Variants in PSMC3 observed in about 807,000 individuals in gnomAD.
PSMC3 encodes the protein 26S proteasome regulatory subunit 6A.
Under a neutral mutation model 52.0 loss-of-function variants are expected in PSMC3, and 11 were observed. That is an observed-to-expected ratio of 0.21 (90% confidence interval 0.13 to 0.35). PSMC3 has a LOEUF of 0.35. Ranked by LOEUF, PSMC3 falls within the 10% of genes least tolerant of loss-of-function variation. The pLI, the probability that PSMC3 is intolerant of heterozygous loss-of-function variation, is 1.00. For synonymous variants in PSMC3, 201 were observed against 218.8 expected (o/e 0.92, Z 0.72); for missense variants, 238 against 567.1 (o/e 0.42, Z 5.89).
chr11:47,425,786 T>G, intron 2 of PSMC3, 81 bp downstream of exon 2: 1 of 1,279,260 alleles, frequency 7.8e-7, no homozygotes, highest in Non-Finnish European at 1.1e-6. Flanking sequence ...GGTGCCCGAT[T>G]AGGAAGTACG....
intron 3 of PSMC3, 39 bp downstream of exon 3, chr11:47,425,082 C>G (rs777682650): frequency 1.2e-5 from 19 of 1,613,258 alleles, no homozygotes; most frequent in Non-Finnish European, 1.5e-5. Context: ...TCCCCATTCC[C>G]TGCTGACTCC....
chr11:47,424,978 C>T lies in PSMC3; in HGVS notation c.285+143G>A, dbSNP rs2096044724. On this transcript the variant is annotated intron_variant, in intron 3 of 11. Coordinates refer to ENST00000298852, the MANE Select transcript of PSMC3 (RefSeq NM_002804.5). The surrounding 1 kb of genome is among the most constrained non-coding windows in gnomAD (Gnocchi z 4.8). ...CCCAGGACTTTGCAGGCCCCGTCTT[C>T]CCCATGAAAGTGCCCCAGGAGGTGT... The T allele has an allele frequency of 7.9e-7, 1 of 1,269,132 alleles. No homozygotes were observed. The highest frequency in any genetic ancestry group is 1.1e-6 in the Non-Finnish European group (1 of 907,378). 78.6% of individuals were successfully genotyped at this position (1,269,132 alleles called of 1,614,324 possible).
chr11:47,425,340 C>T (rs2096045155), intron 2 of PSMC3, 94 bp from the exon 3 acceptor site: 1 of 1,453,994 alleles, frequency 6.9e-7, no homozygotes, highest in Non-Finnish European at 9.5e-7. Flanking sequence ...CCCAGGGGAC[C>T]CTCCCGCATC....
In PSMC3 at chr11:47,424,401, G is replaced by T. The variant is rs779479663; in HGVS notation, c.453+28C>A. 31 of 1,611,934 alleles carry T rather than the reference G, an allele frequency of 1.9e-5. No individual in the cohort carries two copies. The highest frequency in any genetic ancestry group is 2.6e-5 in the Non-Finnish European group (31 of 1,178,030). On this transcript the variant is annotated intron_variant, in intron 5 of 11. Transcript: ENST00000298852. The surrounding 1 kb of genome is among the most constrained non-coding windows in gnomAD (Gnocchi z 4.8). Reference sequence around the variant, plus strand: ...AGGGGCTCAGCTAGTCACCAGAAAAGCACTGCCTGGGCTCAGGCCCCACTC... The same window carrying T: ...AGGGGCTCAGCTAGTCACCAGAAAATCACTGCCTGGGCTCAGGCCCCACTC...
chr11:47,419,547 C>G (rs2096037448), intron 10 of PSMC3, among the ~76,000 whole-genome samples: 2 of 152,118 alleles, frequency 1.3e-5, no homozygotes, highest in Non-Finnish European at 2.9e-5. Context: ...TGCTATCATC[C>G]CCAAGTCCCA....
intron 3 of PSMC3, 103 bp downstream of exon 3, chr11:47,425,018 G>A: frequency 6.6e-7 from 1 of 1,518,284 alleles, no homozygotes; most frequent in Non-Finnish European, 9.0e-7. Context: ...CTGACATGCA[G>A]TTTGGCCTCA....
In PSMC3 at chr11:47,424,820, G is replaced by T. The variant is rs1201127561; in HGVS notation, c.286-109C>A. ...CCATCCTTACCTCCCTCCTCCAATA[G>T]CCCTGAGCCCACCAAACGTGGGTGC... On this transcript the variant is annotated intron_variant, in intron 3 of 11. Coordinates refer to ENST00000298852, the MANE Select transcript of PSMC3 (RefSeq NM_002804.5). The surrounding 1 kb of genome is among the most constrained non-coding windows in gnomAD (Gnocchi z 4.8). 2 of 1,016,374 alleles carry T rather than the reference G, an allele frequency of 2.0e-6. No individual in the cohort carries two copies. Among genetic ancestry groups the T allele is most frequent in the African/African-American group, 1.6e-5 (1 of 62,746 alleles). The allele number at this position is 1,016,374 out of a possible 1,614,324, so 63.0% of individuals were successfully genotyped here.
At position 47,424,279 on chromosome 11, in the gene PSMC3, T is replaced by C; in HGVS notation, c.454-96A>G. ...GTCTGCAGAGGGAAAGACACAGGACTGGGCAATACAAGAATCAAACAGCAA... is the reference window on the plus strand; with the variant it reads ...GTCTGCAGAGGGAAAGACACAGGACCGGGCAATACAAGAATCAAACAGCAA... On this transcript the variant is annotated intron_variant, in intron 5 of 11. Coordinates refer to ENST00000298852, the MANE Select transcript of PSMC3 (RefSeq NM_002804.5). This position sits in a 1 kb window ranked among gnomAD's most constrained non-coding sequence, Gnocchi z 4.8. 1 of 1,579,172 alleles carries C rather than the reference T, an allele frequency of 6.3e-7. No homozygotes were observed. The highest frequency in any genetic ancestry group is 8.7e-7 in the Non-Finnish European group (1 of 1,148,974).
chr11:47,419,776 G>A (rs1005073426), intron 10 of PSMC3, among the ~76,000 whole-genome samples: 7 of 151,830 alleles, frequency 4.6e-5, no homozygotes, highest in East Asian at 1.9e-4. Context: ...GGAGAATGGC[G>A]TGAACCCAGG....
Position 47,425,963 on chromosome 11 carries a change from ATTTG to A in PSMC3, c.76-17_76-14del, listed in dbSNP as rs780543378. Reference sequence around the variant, plus strand: ...CAATTCCATCTTGCTGTAAAAAATTATTTGTTTATTTATATATTTACTTTTACTC... The same window carrying A: ...CAATTCCATCTTGCTGTAAAAAATTATTTATTTATATATTTACTTTTACTC... On this transcript the variant is annotated splice_polypyrimidine_tract_variant and intron_variant, in intron 1 of 11. Transcript: ENST00000298852. The A allele has an allele frequency of 1.1e-5, 17 of 1,603,844 alleles. No individual in the cohort carries two copies. Among genetic ancestry groups the A allele is most frequent in the Middle Eastern group, 1.7e-4 (1 of 6,020 alleles).
intron 6 of PSMC3, among the ~76,000 whole-genome samples, chr11:47,423,181 C>T (rs573557560): frequency 6.6e-6 from 1 of 152,214 alleles, no homozygotes; most frequent in South Asian, 2.1e-4. Flanking sequence ...GGGCGGATCA[C>T]AAGGTCAGGA....
chr11:47,419,062 A>C, intron 11 of PSMC3, 54 bp downstream of exon 11: 1 of 1,610,698 alleles, frequency 6.2e-7, no homozygotes, highest in South Asian at 1.1e-5. Flanking sequence ...CATCCTGTCC[A>C]GGGAGGGGGC....
Position 47,420,796 on chromosome 11 carries a change from C to A in PSMC3, c.885-69G>T, listed in dbSNP as rs571377414. ...GGCAGAGCCCTCCCCTCCTCTACCC[C>A]CTGGAAGCCTAACCTAACCCGTCCA... On this transcript the variant is annotated intron_variant, in intron 8 of 11. Coordinates refer to ENST00000298852, the MANE Select transcript of PSMC3 (RefSeq NM_002804.5). 8.2e-5 allele frequency: 117 copies of A among 1,424,548 alleles called. 1 individual carries two copies. In the South Asian group the frequency reaches 1.4e-3, roughly 17 times the overall value. 88.2% of individuals were successfully genotyped at this position (1,424,548 alleles called of 1,614,324 possible).
chr11:47,423,404 CAAAAA>C (rs773723021), intron 6 of PSMC3, among the ~76,000 whole-genome samples: 1 of 115,834 alleles, frequency 8.6e-6, no homozygotes. Flanking sequence ...GACTCCGTCA[CAAAAA>C]AAAAAAAAAG....
Position 47,422,735 on chromosome 11 carries a change from G to A in PSMC3, c.736-13C>T, listed in dbSNP as rs990639865. On this transcript the variant is annotated splice_polypyrimidine_tract_variant and intron_variant, in intron 7 of 11. Transcript: ENST00000298852. The surrounding 1 kb of genome is among the most constrained non-coding windows in gnomAD (Gnocchi z 4.3). ...TTAGGAAGGTGGCCTGGCAGGAAAAGGTGGTAGAGTCAGGTCAAAGGCAGA... is the reference window on the plus strand; with the variant it reads ...TTAGGAAGGTGGCCTGGCAGGAAAAAGTGGTAGAGTCAGGTCAAAGGCAGA... 1 of 1,614,028 alleles carries A rather than the reference G, an allele frequency of 6.2e-7. No homozygotes were observed. Among genetic ancestry groups the A allele is most frequent in the South Asian group, 1.1e-5 (1 of 91,086 alleles).
At chr11:47,425,514 C>T (rs2096045378) in intron 2 of PSMC3, 1 of 566,442 alleles carries the variant, frequency 1.8e-6, no homozygotes, top group East Asian at 2.9e-5. Flanking sequence ...TAGGTTCTGC[C>T]TCATAGTAAG....
In PSMC3 at chr11:47,418,828, G is replaced by C; in HGVS notation, c.*7C>G. The C allele has an allele frequency of 6.2e-7, 1 of 1,610,428 alleles. No individual in the cohort carries two copies. The highest frequency in any genetic ancestry group is 1.1e-5 in the South Asian group (1 of 91,000). ...TCAGCCGTGAGACTGGGGCTGGCCT[G>C]TGTGCCCTAGGCGTAGTATTGTAGG... On this transcript the variant is annotated 3_prime_UTR_variant, in exon 12 of 12. Coordinates refer to ENST00000298852, the MANE Select transcript of PSMC3 (RefSeq NM_002804.5).
intron 6 of PSMC3, among the ~76,000 whole-genome samples, chr11:47,423,791 GAAA>G (rs35942756): frequency 4.9e-5 from 7 of 142,186 alleles, no homozygotes; most frequent in Admixed American, 7.0e-5. Context: ...CTCCATCTCG[GAAA>G]AAAAAAAAAA....
In PSMC3 at chr11:47,420,282, G is replaced by A. The variant is rs763516120; in HGVS notation, c.1109C>T (p.Ser370Phe). Reference sequence around the variant, plus strand: ...TGCTCACCTGACATTCATCTTTCGGGAGTGGATCTGCATGATTCTGGCCCG... The same window carrying A: ...TGCTCACCTGACATTCATCTTTCGGAAGTGGATCTGCATGATTCTGGCCCG... ...EARARIMQIH[S>F]RKMNVSPDVN... is the part of the protein sequence containing the mutation. The change falls in exon 10 of 12, where the codon TCC (serine) becomes TTC (phenylalanine). Residue 370 changes from serine (S) to phenylalanine (F), a missense_variant. Around this residue, in one of 6 missense-constraint regions of PSMC3, gnomAD observed 40 missense variants for 53.3 expected, o/e 0.75. Transcript: ENST00000298852. 6.2e-7 allele frequency: 1 copy of A among 1,614,194 alleles called. No individual in the cohort carries two copies.
Sources: allele counts gnomAD v4.1 joint callset (sites outside exome capture counted in the v4.1 genomes callset), GRCh38; gene constraint gnomAD v4.1.1; regional missense constraint gnomAD v4.1.1; non-coding constraint Gnocchi (gnomAD v3.1); transcripts MANE v1.5; gene names NCBI Gene and HGNC (gene_info 2026-07-23, HGNC 2026-07-21).